The following KCNQ1OT1 variants were observed in gnomAD, a reference collection of about 807,000 sequenced individuals.
KCNQ1OT1 encodes the protein KCNQ1 opposite strand/antisense transcript 1.
exon 1 of KCNQ1OT1, chr11:2,692,799 G>C (rs1850609664): frequency 2.5e-6 from 1 of 398,548 alleles, no homozygotes; most frequent in Admixed American, 4.4e-5. Context: ...TTTCTTGAAT[G>C]ACTGCATCCC....
At position 2,621,131 on chromosome 11, in the gene KCNQ1OT1, C is replaced by A. The variant is rs1385154224; in HGVS notation, n.78864G>T. 4.0e-5 allele frequency: 16 copies of A among 397,086 alleles called. No individual in the cohort carries two copies. 24.6% of individuals were successfully genotyped at this position (397,086 alleles called of 1,614,324 possible). A position where few individuals can be genotyped will look rare whatever the true frequency, so the allele number is the denominator to read the frequency against. ...TAGCTGGGATTACAGGTGACCGCCACCATACCTGGCTAATTTTTGTGTTTT... is the reference window on the plus strand; with the variant it reads ...TAGCTGGGATTACAGGTGACCGCCAACATACCTGGCTAATTTTTGTGTTTT... On this transcript the variant is annotated non_coding_transcript_exon_variant, in exon 1 of 1. Coordinates refer to ENST00000597346, the Ensembl canonical transcript of KCNQ1OT1. The surrounding 1 kb of genome is among the most constrained non-coding windows in gnomAD (Gnocchi z 5.7).
rs1850317307 is a variant in KCNQ1OT1 at position 2,677,660 on chromosome 11, G to A, written n.22335C>T. 3 of 398,328 alleles carry A rather than the reference G, an allele frequency of 7.5e-6. No homozygotes were observed. Among genetic ancestry groups the A allele is most frequent in the East Asian group, 3.6e-5 (1 of 28,080 alleles). 24.7% of individuals were successfully genotyped at this position (398,328 alleles called of 1,614,324 possible). On this transcript the variant is annotated non_coding_transcript_exon_variant, in exon 1 of 1. Transcript: ENST00000597346. This position sits in a 1 kb window ranked among gnomAD's most constrained non-coding sequence, Gnocchi z 4.5. ...AACTCTAACAACTGTTATTGCATATGAGATAAAATAATATTTTAACTACTG... is the reference window on the plus strand; with the variant it reads ...AACTCTAACAACTGTTATTGCATATAAGATAAAATAATATTTTAACTACTG...
At chr11:2,630,337 T>G (rs1343766377) in exon 1 of KCNQ1OT1, 1 of 398,286 alleles carries the variant, frequency 2.5e-6, no homozygotes, top group Admixed American at 4.4e-5. Flanking sequence ...AATTTTTAAA[T>G]GTATAGTCAT....
Position 2,670,462 on chromosome 11 carries a change from T to A in KCNQ1OT1, n.29533A>T, listed in dbSNP as rs573980129. On this transcript the variant is annotated non_coding_transcript_exon_variant, in exon 1 of 1. Transcript: ENST00000597346. The surrounding 1 kb of genome is among the most constrained non-coding windows in gnomAD (Gnocchi z 4.9). ...TGTTGGCTGAGACACACAGCCCACA[T>A]CCTTGGTAGGTCCCTCAGAGAGCAT... 2.5e-6 allele frequency: 1 copy of A among 397,574 alleles called. No homozygotes were observed. 24.6% of individuals were successfully genotyped at this position (397,574 alleles called of 1,614,324 possible).
exon 1 of KCNQ1OT1, chr11:2,636,932 G>A (rs1282827121): frequency 1.3e-5 from 2 of 152,160 alleles, no homozygotes; most frequent in African/African-American, 4.8e-5. Flanking sequence ...ATGTCTCCAG[G>A]AATTTATCCA....
At position 2,620,675 on chromosome 11, in the gene KCNQ1OT1, G is replaced by A; in HGVS notation, n.79320C>T. 1 of 398,466 alleles carries A rather than the reference G, an allele frequency of 2.5e-6. No individual in the cohort carries two copies. Among genetic ancestry groups the A allele is most frequent in the East Asian group, 3.6e-5 (1 of 28,074 alleles). 24.7% of individuals were successfully genotyped at this position (398,466 alleles called of 1,614,324 possible). A position where few individuals can be genotyped will look rare whatever the true frequency, so the allele number is the denominator to read the frequency against. On this transcript the variant is annotated non_coding_transcript_exon_variant, in exon 1 of 1. Coordinates refer to ENST00000597346, the Ensembl canonical transcript of KCNQ1OT1. This position sits in a 1 kb window ranked among gnomAD's most constrained non-coding sequence, Gnocchi z 4.5. ...TACAAATGCATGTGTCTTTTTGATA[G>A]AACAATTTATTTTCCTTTGAATATA...
In KCNQ1OT1 at chr11:2,671,539, T is replaced by A. The variant is rs534419432; in HGVS notation, n.28456A>T. The A allele has an allele frequency of 2.5e-6, 1 of 398,536 alleles. No individual in the cohort carries two copies. Among genetic ancestry groups the A allele is most frequent in the Non-Finnish European group, 4.4e-6 (1 of 226,086 alleles). The allele number at this position is 398,536 out of a possible 1,614,324, so 24.7% of individuals were successfully genotyped here. On this transcript the variant is annotated non_coding_transcript_exon_variant, in exon 1 of 1. Transcript: ENST00000597346. This position sits in a 1 kb window ranked among gnomAD's most constrained non-coding sequence, Gnocchi z 4.7. ...GGATTTTTCAAAGGTTAATTTTGAC[T>A]CTGCCTGACTTATCTCCTAAGTCTT...
At position 2,671,258 on chromosome 11, in the gene KCNQ1OT1, C is replaced by T. The variant is rs1289576250; in HGVS notation, n.28737G>A. The T allele has an allele frequency of 1.0e-5, 4 of 398,514 alleles. No homozygotes were observed. Among genetic ancestry groups the T allele is most frequent in the Non-Finnish European group, 1.8e-5 (4 of 226,086 alleles). The allele number at this position is 398,514 out of a possible 1,614,324, so 24.7% of individuals were successfully genotyped here. A position where few individuals can be genotyped will look rare whatever the true frequency, so the allele number is the denominator to read the frequency against. On this transcript the variant is annotated non_coding_transcript_exon_variant, in exon 1 of 1. Transcript: ENST00000597346. The surrounding 1 kb of genome is among the most constrained non-coding windows in gnomAD (Gnocchi z 4.7). ...GTCTGACCTCAAAATCCGATGTCCC[C>T]ACCATCCCCAGCCCCTTAGCCTCTG...
chr11:2,647,610 G>A lies in KCNQ1OT1; in HGVS notation n.52385C>T, dbSNP rs796331606. The A allele has an allele frequency of 3.0e-5, 12 of 398,534 alleles. No homozygotes were observed. Among genetic ancestry groups the A allele is most frequent in the African/African-American group, 2.3e-4 (11 of 48,746 alleles). 24.7% of individuals were successfully genotyped at this position (398,534 alleles called of 1,614,324 possible). ...TTTAAAGGTTTGGTAGAATTCAGTA[G>A]AAAACCCGTGCAATCCTGAGGTTTT... On this transcript the variant is annotated non_coding_transcript_exon_variant, in exon 1 of 1. Transcript: ENST00000597346. The surrounding 1 kb of genome is among the most constrained non-coding windows in gnomAD (Gnocchi z 4.0).
At position 2,679,804 on chromosome 11, in the gene KCNQ1OT1, G is replaced by A; in HGVS notation, n.20191C>T. The A allele has an allele frequency of 2.5e-6, 1 of 398,620 alleles. No individual in the cohort carries two copies. Among genetic ancestry groups the A allele is most frequent in the Non-Finnish European group, 4.4e-6 (1 of 226,064 alleles). The allele number at this position is 398,620 out of a possible 1,614,324, so 24.7% of individuals were successfully genotyped here. On this transcript the variant is annotated non_coding_transcript_exon_variant, in exon 1 of 1. Coordinates refer to ENST00000597346, the Ensembl canonical transcript of KCNQ1OT1. This position sits in a 1 kb window ranked among gnomAD's most constrained non-coding sequence, Gnocchi z 4.8. The stretch of plus-strand genomic sequence containing the variant: ...GTTAGGCCAGTTGAGGGCTAGAGGA[G>A]CACAAGGGGCCAGACTGCTGCTACT...
In KCNQ1OT1 at chr11:2,670,231, G is replaced by T; in HGVS notation, n.29764C>A. The T allele has an allele frequency of 2.5e-6, 1 of 398,560 alleles. No individual in the cohort carries two copies. The highest frequency in any genetic ancestry group is 1.3e-4 in the South Asian group (1 of 7,820). The allele number at this position is 398,560 out of a possible 1,614,324, so 24.7% of individuals were successfully genotyped here. On this transcript the variant is annotated non_coding_transcript_exon_variant, in exon 1 of 1. Transcript: ENST00000597346. This position sits in a 1 kb window ranked among gnomAD's most constrained non-coding sequence, Gnocchi z 4.9. Reference sequence around the variant, plus strand: ...CGAGCTGTGTAGCTCACCTGCCTTTGACCCTGCACATGACGGGCGAGGGAA... The same window carrying T: ...CGAGCTGTGTAGCTCACCTGCCTTTTACCCTGCACATGACGGGCGAGGGAA...
At chr11:2,622,761 A>T (rs10766228) in exon 1 of KCNQ1OT1, 343,422 of 398,448 alleles carry the variant, frequency 0.86, 148,538 homozygotes, top group East Asian at 0.91. Flanking sequence ...AGCAAAATTG[A>T]GAGGTAAGTA....
chr11:2,678,522 C>CTGATGGGCCTGT lies in KCNQ1OT1; in HGVS notation n.21461_21472dup, dbSNP rs1235013032. ...CATTTCTAGACTCTATTCTGGACTGCTGATGGGCCTGTTGATAGGCCAGAG... is the reference window on the plus strand; with the variant it reads ...CATTTCTAGACTCTATTCTGGACTGCTGATGGGCCTGTTGATGGGCCTGTTGATAGGCCAGAG... On this transcript the variant is annotated non_coding_transcript_exon_variant, in exon 1 of 1. Coordinates refer to ENST00000597346, the Ensembl canonical transcript of KCNQ1OT1. The surrounding 1 kb of genome is among the most constrained non-coding windows in gnomAD (Gnocchi z 4.9). 6 of 398,444 alleles carry CTGATGGGCCTGT rather than the reference C, an allele frequency of 1.5e-5. No homozygotes were observed. Among genetic ancestry groups the CTGATGGGCCTGT allele is most frequent in the Admixed American group, 4.4e-5 (1 of 22,706 alleles). 24.7% of individuals were successfully genotyped at this position (398,444 alleles called of 1,614,324 possible).
chr11:2,684,454 C>T (rs900744170), exon 1 of KCNQ1OT1: 4 of 398,624 alleles, frequency 1.0e-5, no homozygotes, highest in Non-Finnish European at 1.8e-5. Context: ...GTTCTTTTGG[C>T]AAAAAGACTA....
At chr11:2,649,965 AG>A (rs1436880125) in exon 1 of KCNQ1OT1, 1 of 398,396 alleles carries the variant, frequency 2.5e-6, no homozygotes, top group African/African-American at 2.1e-5. Flanking sequence ...TATGTCACGC[AG>A]GCATTCTTCA....
chr11:2,651,867 AGTG>A lies in KCNQ1OT1; in HGVS notation n.48125_48127del. 1 of 398,666 alleles carries A rather than the reference AGTG, an allele frequency of 2.5e-6. No individual in the cohort carries two copies. Among genetic ancestry groups the A allele is most frequent in the Non-Finnish European group, 4.4e-6 (1 of 226,100 alleles). 24.7% of individuals were successfully genotyped at this position (398,666 alleles called of 1,614,324 possible). ...ATGCCACCACATCTTTTCTTGAAGT[AGTG>A]TTCAGGCTGAGGGGGTCATAGCCGA... On this transcript the variant is annotated non_coding_transcript_exon_variant, in exon 1 of 1. Coordinates refer to ENST00000597346, the Ensembl canonical transcript of KCNQ1OT1. This position sits in a 1 kb window ranked among gnomAD's most constrained non-coding sequence, Gnocchi z 6.1.
chr11:2,677,096 T>G lies in KCNQ1OT1; in HGVS notation n.22899A>C. The G allele has an allele frequency of 2.5e-6, 1 of 398,634 alleles. No individual in the cohort carries two copies. The highest frequency in any genetic ancestry group is 1.3e-4 in the South Asian group (1 of 7,858). 24.7% of individuals were successfully genotyped at this position (398,634 alleles called of 1,614,324 possible). A position where few individuals can be genotyped will look rare whatever the true frequency, so the allele number is the denominator to read the frequency against. On this transcript the variant is annotated non_coding_transcript_exon_variant, in exon 1 of 1. Coordinates refer to ENST00000597346, the Ensembl canonical transcript of KCNQ1OT1. The surrounding 1 kb of genome is among the most constrained non-coding windows in gnomAD (Gnocchi z 4.5). ...CATTCAAATATATTCACTACTGAAA[T>G]GACCACTTATGAAATTAGTTTCCCT...
rs749794052 is a variant in KCNQ1OT1 at position 2,620,212 on chromosome 11, T to TA, written n.79782_79783insT. ...AAGTTCATTCATGTATATATATATATTTTTTTTTTTTATTTTTTTTTTAGA... is the reference window on the plus strand; with the variant it reads ...AAGTTCATTCATGTATATATATATATATTTTTTTTTTTATTTTTTTTTTAGA... On this transcript the variant is annotated non_coding_transcript_exon_variant, in exon 1 of 1. Coordinates refer to ENST00000597346, the Ensembl canonical transcript of KCNQ1OT1. The surrounding 1 kb of genome is among the most constrained non-coding windows in gnomAD (Gnocchi z 4.5). The TA allele has an allele frequency of 0.045, 8,938 of 198,334 alleles. 359 individuals are homozygous for TA. Among genetic ancestry groups the TA allele is most frequent in the African/African-American group, 0.15 (4,603 of 31,286 alleles). The allele number at this position is 198,334 out of a possible 1,614,324, so 12.3% of individuals were successfully genotyped here.
At chr11:2,638,908 C>A (rs140472405) in exon 1 of KCNQ1OT1, 1 of 151,928 alleles carries the variant, frequency 6.6e-6, no homozygotes, top group Non-Finnish European at 1.5e-5. Context: ...AGGCTTTGTT[C>A]GTTTGTTTTT....
Sources: allele counts gnomAD v4.1 joint callset, GRCh38; gene constraint gnomAD v4.1.1; non-coding constraint Gnocchi (gnomAD v3.1); transcripts MANE v1.5; gene names NCBI Gene and HGNC (gene_info 2026-07-23, HGNC 2026-07-21).